TTC28: variants seen among roughly 807,000 people sequenced by gnomAD.
TTC28 encodes the protein tetratricopeptide repeat domain 28, also known as tetratricopeptide repeat protein 28.
A neutral mutation model predicts 198.0 loss-of-function variants in TTC28; 61 were observed. The ratio of observed to expected loss-of-function variants is 0.31; its 90% CI spans 0.25 to 0.38. The LOEUF (loss-of-function observed/expected upper bound fraction) is 0.38. Ranked by LOEUF, TTC28 falls within the 10% of genes least tolerant of loss-of-function variation. The pLI is 1.00. For synonymous variants in TTC28, 1,171 were observed against 1,297.8 expected (o/e 0.90, Z 2.10); for missense variants, 2,678 against 3,164.0 (o/e 0.85, Z 3.69).
intron 2 of TTC28, among the ~76,000 whole-genome samples, chr22:28,485,996 T>G (rs1273960764): frequency 6.6e-6 from 1 of 152,072 alleles, no homozygotes. Flanking sequence ...GAAGATAATC[T>G]TGGTAAGAGA....
chr22:28,655,424 T>C (rs1303665591), intron 1 of TTC28, among the ~76,000 whole-genome samples: 2 of 152,222 alleles, frequency 1.3e-5, no homozygotes, highest in Admixed American at 6.5e-5. Flanking sequence ...TCCTGTGTCT[T>C]GGTACAGACT....
At chr22:28,374,080 C>T (rs537622726) in intron 2 of TTC28, among the ~76,000 whole-genome samples, 1 of 152,166 alleles carries the variant, frequency 6.6e-6, no homozygotes, top group South Asian at 2.1e-4. Context: ...CTATAACTTC[C>T]TTGAAATTGG....
chr22:28,491,637 CAG>C (rs2048380255), intron 2 of TTC28, among the ~76,000 whole-genome samples: 1 of 152,054 alleles, frequency 6.6e-6, no homozygotes, highest in South Asian at 2.1e-4. Flanking sequence ...TGTGGAGAAA[CAG>C]GAACACTTTT....
intron 1 of TTC28, among the ~76,000 whole-genome samples, chr22:28,645,651 C>T (rs895191039): frequency 6.6e-6 from 1 of 151,320 alleles, no homozygotes; most frequent in South Asian, 2.1e-4. Flanking sequence ...AAAGATAATT[C>T]GCCATGATCA....
At chr22:28,513,020 C>G (rs2048714625) in intron 2 of TTC28, among the ~76,000 whole-genome samples, 1 of 139,382 alleles carries the variant, frequency 7.2e-6, no homozygotes, top group South Asian at 2.3e-4. Context: ...TGCTCTACTG[C>G]CCAGGCTGGA....
At chr22:28,143,318 C>T (rs1255902909) in intron 6 of TTC28, among the ~76,000 whole-genome samples, 1 of 152,062 alleles carries the variant, frequency 6.6e-6, no homozygotes, top group East Asian at 1.9e-4. Context: ...TGGTTTGATG[C>T]TTACAGTCAG....
In TTC28 at chr22:28,125,783, A is replaced by G. The variant is rs184572386; in HGVS notation, c.1442-17380T>C. ...TTAATAAAATTTATTCAGCATAGAAATATGTTCATAAGTAATTCAGTAAAG... is the reference window on the plus strand; with the variant it reads ...TTAATAAAATTTATTCAGCATAGAAGTATGTTCATAAGTAATTCAGTAAAG... On this transcript the variant is annotated intron_variant, in intron 6 of 22. Transcript: ENST00000397906. Among the ~76,000 whole-genome samples the G allele has an allele frequency of 3.9e-3, 601 of 152,358 alleles. 1 individual carries two copies. Among genetic ancestry groups the G allele is most frequent in the Middle Eastern group, 0.017 (5 of 294 alleles).
chr22:28,358,917 T>G lies in TTC28; in HGVS notation c.382-52274A>C, dbSNP rs142391712. Among the ~76,000 whole-genome samples the G allele has an allele frequency of 7.0e-3, 1,073 of 152,264 alleles. 12 individuals are homozygous for G. Among genetic ancestry groups the G allele is most frequent in the African/African-American group, 0.025 (1,036 of 41,546 alleles). ...TACTATCCTACTCCTCCCTTTTCTA[T>G]ATAACCTTCACATCGCCTGTCTTCA... On this transcript the variant is annotated intron_variant, in intron 2 of 22. Transcript: ENST00000397906.
At chr22:28,376,049 C>T (rs955143659) in intron 2 of TTC28, among the ~76,000 whole-genome samples, 5 of 152,222 alleles carry the variant, frequency 3.3e-5, no homozygotes, top group African/African-American at 9.6e-5. Flanking sequence ...GGGTCTCCAG[C>T]TTGCAGACTG....
intron 2 of TTC28, among the ~76,000 whole-genome samples, chr22:28,448,351 A>C (rs2047731886): frequency 6.6e-6 from 1 of 152,252 alleles, no homozygotes; most frequent in Non-Finnish European, 1.5e-5. Context: ...AAATTTCTTC[A>C]AGATTTCCTA....
intron 5 of TTC28, among the ~76,000 whole-genome samples, chr22:28,276,485 T>C (rs1238207098): frequency 6.6e-6 from 1 of 152,280 alleles, no homozygotes; most frequent in East Asian, 1.9e-4. Flanking sequence ...ATTAGATAGA[T>C]GGGTAGAGTT....
At chr22:28,215,000 G>C (rs1927267632) in intron 5 of TTC28, among the ~76,000 whole-genome samples, 1 of 152,144 alleles carries the variant, frequency 6.6e-6, no homozygotes, top group Non-Finnish European at 1.5e-5. Context: ...CATGAAGCTG[G>C]AAGCCGTCAT....
At chr22:28,275,218 A>G (rs1275154494) in intron 5 of TTC28, among the ~76,000 whole-genome samples, 3 of 152,168 alleles carry the variant, frequency 2.0e-5, no homozygotes, top group Non-Finnish European at 1.5e-5. Context: ...AACTCAAGAA[A>G]ATCCATCAGT....
At chr22:28,235,855 G>A (rs1027823268) in intron 5 of TTC28, among the ~76,000 whole-genome samples, 2 of 152,192 alleles carry the variant, frequency 1.3e-5, no homozygotes, top group African/African-American at 4.8e-5. Context: ...TCGTTAAGTT[G>A]GAACTACAAT....
intron 2 of TTC28, among the ~76,000 whole-genome samples, chr22:28,505,256 CAAAAAA>C (rs35503278): frequency 2.1e-4 from 16 of 75,408 alleles, no homozygotes; most frequent in East Asian, 3.5e-4. Flanking sequence ...GACTCCGTCT[CAAAAAA>C]AAAAAAAAAA....
At chr22:28,092,425 T>C (rs1226594246) in intron 12 of TTC28, among the ~76,000 whole-genome samples, 1 of 152,156 alleles carries the variant, frequency 6.6e-6, no homozygotes, top group Non-Finnish European at 1.5e-5. Flanking sequence ...TAAGAGAACT[T>C]GGCGACTGCA....
intron 2 of TTC28, among the ~76,000 whole-genome samples, chr22:28,536,441 G>A (rs1403539569): frequency 2.0e-5 from 3 of 151,614 alleles, no homozygotes; most frequent in East Asian, 2.0e-4. Context: ...TGGCTAACAC[G>A]GTGAAACCCC....
chr22:28,573,160 T>TA (rs1436711724), intron 2 of TTC28, among the ~76,000 whole-genome samples: 2 of 144,966 alleles, frequency 1.4e-5, no homozygotes, highest in Admixed American at 1.4e-4. Context: ...ATTAATCTTA[T>TA]AAAAAACAGA....
intron 2 of TTC28, among the ~76,000 whole-genome samples, chr22:28,401,111 T>C (rs971279377): frequency 6.6e-5 from 10 of 151,482 alleles, no homozygotes; most frequent in Admixed American, 5.9e-4. Context: ...ACAGAGTTGT[T>C]TATAGTCTAA....
Sources: gnomAD v4.1 joint callset for allele counts (sites outside exome capture counted in the v4.1 genomes callset) on GRCh38, gnomAD v4.1.1 for gene constraint, MANE v1.5 for transcripts, NCBI Gene and HGNC (gene_info 2026-07-23, HGNC 2026-07-21) for gene names.